The following SMARCA1 variants were observed in gnomAD, a reference collection of about 807,000 sequenced individuals.
SMARCA1 encodes SNF2 related chromatin remodeling ATPase 1.
In SMARCA1, 17 loss-of-function variants were observed where a neutral mutation model predicts 93.6. The observed-to-expected ratio is 0.18, with a 90% confidence interval of 0.12 to 0.27. SMARCA1 has a LOEUF of 0.27. SMARCA1 is among the 10% of genes least tolerant of loss of function. The pLI is 1.00. For synonymous variants in SMARCA1, 271 were observed against 271.4 expected, an observed-to-expected ratio of 1.00 and a Z score of 0.01; for missense variants, 630 against 819.0, an observed-to-expected ratio of 0.77 and a Z score of 2.82.
In SMARCA1 at chrX:129,518,386, A is replaced by G. The variant is rs754000297; in HGVS notation, c.236T>C (p.Met79Thr). The change falls in exon 2 of 25, where the codon ATG (methionine) becomes ACG (threonine). Residue 79 changes from methionine to threonine, a missense_variant. This residue lies in a region of SMARCA1 where 103 missense variants were observed against 82.0 expected (regional missense o/e 1.26). Coordinates refer to ENST00000371121, the MANE Select transcript of SMARCA1 (RefSeq NM_001282874.2). Reference sequence around the variant, plus strand: ...CATTTTCTCTTCATATTCTGGGTCCATTTCCTTTTCAGATTTAGGCGCTTT... The same window carrying G: ...CATTTTCTCTTCATATTCTGGGTCCGTTTCCTTTTCAGATTTAGGCGCTTT... ...AAKAPKSEKEMDPEYEEKMKA... is the reference protein window; with the variant it reads ...AAKAPKSEKETDPEYEEKMKA... 7 of 1,193,729 alleles carry G rather than the reference A, an allele frequency of 5.9e-6. No homozygotes were observed. The South Asian group carries it at 1.3e-4, about 22-fold the overall frequency.
chrX:129,473,434 A>G (rs1015153588), intron 19 of SMARCA1, among the ~76,000 whole-genome samples: 1 of 112,358 alleles, frequency 8.9e-6, no homozygotes, highest in Non-Finnish European at 1.9e-5. Flanking sequence ...AATTACAGGC[A>G]TACCAGCAAT....
rs200144228 is a variant in SMARCA1 at position 129,519,359 on chromosome X, TTC to T, written c.175-914_175-913del. ...CCACCAGAACCAAAGATGAGAGCAT[TTC>T]AGTTTTAACACATACTTTGCATAAG... On this transcript the variant is annotated intron_variant, in intron 1 of 24. Coordinates refer to ENST00000371121, the MANE Select transcript of SMARCA1 (RefSeq NM_001282874.2). Among the ~76,000 whole-genome samples the T allele has an allele frequency of 4.5e-4, 50 of 111,827 alleles. No homozygotes were observed. The East Asian group carries it at 0.013, about 28-fold the overall frequency.
intron 21 of SMARCA1, among the ~76,000 whole-genome samples, chrX:129,466,360 C>T (rs746542356): frequency 6.3e-5 from 7 of 111,163 alleles, no homozygotes; most frequent in Non-Finnish European, 9.4e-5. Context: ...TCCTAGCATG[C>T]GAAAACAATT....
intron 17 of SMARCA1, among the ~76,000 whole-genome samples, chrX:129,484,158 T>G (rs1933796513): frequency 8.9e-6 from 1 of 112,429 alleles, no homozygotes; most frequent in African/African-American, 3.2e-5. Context: ...AGTATTTTAC[T>G]AATTTTTCTC....
chrX:129,522,772 A>G (rs1448594933), intron 1 of SMARCA1, among the ~76,000 whole-genome samples: 1 of 112,173 alleles, frequency 8.9e-6, no homozygotes, highest in Admixed American at 9.4e-5. Flanking sequence ...TGAAGGGCCC[A>G]GATTTCCCAG....
chrX:129,523,107 C>A, intron 1 of SMARCA1, 90 bp downstream of exon 1: 6 of 1,020,877 alleles, frequency 5.9e-6, no homozygotes, highest in Non-Finnish European at 8.0e-6. Context: ...TCCGCGGGTA[C>A]CTGTCGGCGC....
chrX:129,459,240 G>A (rs1399684062), intron 23 of SMARCA1, among the ~76,000 whole-genome samples: 5 of 111,076 alleles, frequency 4.5e-5, no homozygotes, highest in African/African-American at 1.6e-4. Flanking sequence ...CCAACATGGT[G>A]AAACCTCATC....
chrX:129,477,793 A>G (rs769251560), intron 19 of SMARCA1, among the ~76,000 whole-genome samples: 2 of 105,684 alleles, frequency 1.9e-5, no homozygotes, highest in Admixed American at 1.0e-4. Context: ...CCACCCACCC[A>G]CCCACCTCCC....
At chrX:129,470,122 G>A (rs1180294587) in intron 20 of SMARCA1, among the ~76,000 whole-genome samples, 2 of 111,144 alleles carry the variant, frequency 1.8e-5, no homozygotes, top group Non-Finnish European at 3.8e-5. Context: ...TAATTAACGT[G>A]GAGAATTACC....
intron 6 of SMARCA1, among the ~76,000 whole-genome samples, chrX:129,510,625 T>C (rs992961602): frequency 8.0e-5 from 9 of 112,009 alleles, no homozygotes; most frequent in Admixed American, 9.5e-5. Context: ...CCCCAGGAAG[T>C]AGAGATAGGG....
chrX:129,480,536 T>A (rs1466981994), intron 19 of SMARCA1, among the ~76,000 whole-genome samples, 165 bp downstream of exon 19: 1 of 112,393 alleles, frequency 8.9e-6, no homozygotes, highest in Non-Finnish European at 1.9e-5. Context: ...AGTGGTTAGA[T>A]GTTTTACATC....
rs887808547 is a variant in SMARCA1 at position 129,493,119 on chromosome X, G to C, written c.1627-44C>G. 49 of 397,110 alleles carry C rather than the reference G, an allele frequency of 1.2e-4. No individual in the cohort carries two copies. The East Asian group carries it at 2.0e-3, about 16-fold the overall frequency. 32.7% of individuals were successfully genotyped at this position (397,110 alleles called of 1,213,427 possible). A position where few individuals can be genotyped will look rare whatever the true frequency, so the allele number is the denominator to read the frequency against. ...ATGTGCACAAAGATTTATGTATAAG[G>C]ACTTTCACTATAGCATTATTTATAA... On this transcript the variant is annotated intron_variant, in intron 12 of 24. Coordinates refer to ENST00000371121, the MANE Select transcript of SMARCA1 (RefSeq NM_001282874.2).
At chrX:129,467,213 C>T (rs910066954) in intron 21 of SMARCA1, among the ~76,000 whole-genome samples, 2 of 112,233 alleles carry the variant, frequency 1.8e-5, no homozygotes, top group East Asian at 2.8e-4. Flanking sequence ...AATCTCCTCA[C>T]CCTGTGACAT....
At position 129,462,848 on chromosome X, in the gene SMARCA1, C is replaced by G. The variant is rs1279260397; in HGVS notation, c.3030+2672G>C. 3.6e-5 allele frequency among the ~76,000 whole-genome samples: 4 copies of G among 109,812 alleles called. No individual in the cohort carries two copies. In the Admixed American group the frequency reaches 3.9e-4, roughly 11 times the overall value. On this transcript the variant is annotated intron_variant, in intron 23 of 24. Coordinates refer to ENST00000371121, the MANE Select transcript of SMARCA1 (RefSeq NM_001282874.2). Reference sequence around the variant, plus strand: ...TACATTTCTCGGTAAAGAAAGAGTACAGAGGTAAATGTTTTGTAAAAAGAA... The same window carrying G: ...TACATTTCTCGGTAAAGAAAGAGTAGAGAGGTAAATGTTTTGTAAAAAGAA...
At chrX:129,451,353 C>T (rs1932282264) in intron 23 of SMARCA1, among the ~76,000 whole-genome samples, 2 of 111,364 alleles carry the variant, frequency 1.8e-5, no homozygotes, top group African/African-American at 6.5e-5. Context: ...AAAGCTGACT[C>T]GTGAATCATT....
intron 1 of SMARCA1, among the ~76,000 whole-genome samples, chrX:129,521,536 T>C (rs748545163): frequency 8.9e-6 from 1 of 111,796 alleles, no homozygotes; most frequent in Admixed American, 9.5e-5. Flanking sequence ...ATCAACTCAG[T>C]GTTTATATTA....
At chrX:129,454,268 T>C (rs1932476853) in intron 23 of SMARCA1, among the ~76,000 whole-genome samples, 1 of 112,004 alleles carries the variant, frequency 8.9e-6, no homozygotes, top group South Asian at 3.7e-4. Flanking sequence ...GACCCCTTCC[T>C]TACACCTTAT....
intron 17 of SMARCA1, among the ~76,000 whole-genome samples, chrX:129,483,027 G>A (rs1382794155): frequency 2.7e-5 from 3 of 111,954 alleles, no homozygotes; most frequent in African/African-American, 9.7e-5. Flanking sequence ...GGTGACATTC[G>A]CATATGAAAG....
chrX:129,462,529 T>C (rs1932824208), intron 23 of SMARCA1, among the ~76,000 whole-genome samples: 1 of 111,978 alleles, frequency 8.9e-6, no homozygotes, highest in Non-Finnish European at 1.9e-5. Context: ...ACATTATTTA[T>C]ACTCTAAATC....
Sources: allele counts gnomAD v4.1 joint callset (sites outside exome capture counted in the v4.1 genomes callset), GRCh38; gene constraint gnomAD v4.1.1; regional missense constraint gnomAD v4.1.1; transcripts MANE v1.5; gene names NCBI Gene and HGNC (gene_info 2026-07-23, HGNC 2026-07-21).